SCN1A: variants seen among roughly 807,000 people sequenced by gnomAD.
The protein encoded by SCN1A is sodium voltage-gated channel alpha subunit 1, also known as sodium channel protein type 1 subunit alpha.
Under a neutral mutation model 193.7 loss-of-function variants are expected in SCN1A, and 13 were observed. The observed-to-expected ratio is 0.07, with a 90% CI of 0.04 to 0.11. The LOEUF (loss-of-function observed/expected upper bound fraction) is 0.11. Ranked by LOEUF, SCN1A falls within the 10% of genes least tolerant of loss-of-function variation. The pLI, the probability that SCN1A is intolerant of heterozygous loss-of-function variation, is 1.00. For missense variants in SCN1A, 1,432 were observed against 2,451.1 expected (o/e 0.58, Z 8.78); for synonymous variants, 781 against 843.6 (o/e 0.93, Z 1.29).
In SCN1A at chr2:166,126,916, A is replaced by G. The variant is rs764787927; in HGVS notation, c.-142+8T>C. ...TGCAGCAAGTGGGTCGGGTCTTTAA[A>G]CACATACCTCAAACAGGTAGGAGTC... On this transcript the variant is annotated splice_region_variant and intron_variant, in intron 2 of 28. Coordinates refer to ENST00000674923, the MANE Select transcript of SCN1A (RefSeq NM_001165963.4). The G allele has an allele frequency of 1.4e-4, 22 of 152,242 alleles. No individual in the cohort carries two copies. The highest frequency in any genetic ancestry group is 3.1e-4 in the Non-Finnish European group (21 of 68,058). The allele number at this position is 152,242 out of a possible 1,614,324, so 9.4% of individuals were successfully genotyped here. A position where few individuals can be genotyped will look rare whatever the true frequency, so the allele number is the denominator to read the frequency against.
intron 23 of SCN1A, among the ~76,000 whole-genome samples, chr2:166,003,574 C>G (rs923097187): frequency 1.3e-5 from 2 of 150,644 alleles, no homozygotes; most frequent in Non-Finnish European, 3.0e-5. Context: ...ACTTCTGGAC[C>G]ACTAGTTAAA....
At chr2:166,105,492 A>T (rs1688589360) in intron 2 of SCN1A, among the ~76,000 whole-genome samples, 1 of 152,246 alleles carries the variant, frequency 6.6e-6, no homozygotes, top group Non-Finnish European at 1.5e-5. Context: ...TTATATTAAA[A>T]TAATCATCAC....
At chr2:165,999,419 C>G (rs944138322) in intron 25 of SCN1A, among the ~76,000 whole-genome samples, 1 of 151,344 alleles carries the variant, frequency 6.6e-6, no homozygotes, top group African/African-American at 2.4e-5. Flanking sequence ...ACTAAAATTA[C>G]TACTAATTAT....
Position 166,041,486 on chromosome 2 carries a change from A to AC in SCN1A, c.2177-18_2177-17insG, listed in dbSNP as rs1166411003. 19 of 1,461,720 alleles carry AC rather than the reference A, an allele frequency of 1.3e-5. No individual in the cohort carries two copies. The highest frequency in any genetic ancestry group is 1.8e-5 in the Non-Finnish European group (19 of 1,057,020). The allele number at this position is 1,461,720 out of a possible 1,614,324, so 90.5% of individuals were successfully genotyped here. A position where few individuals can be genotyped will look rare whatever the true frequency, so the allele number is the denominator to read the frequency against. On this transcript the variant is annotated splice_polypyrimidine_tract_variant and intron_variant, in intron 15 of 28. Coordinates refer to ENST00000674923, the MANE Select transcript of SCN1A (RefSeq NM_001165963.4). ...CTTCAAGTTCTAGATTAAGAAAAAA[A>AC]AAAAAAAGAACCACCAAAAGGTATA...
chr2:166,120,182 TTA>T (rs1395132154), intron 2 of SCN1A, among the ~76,000 whole-genome samples: 2 of 151,726 alleles, frequency 1.3e-5, no homozygotes, highest in Non-Finnish European at 2.9e-5. Context: ...TTTATGCACT[TTA>T]TGTTCCTTTT....
chr2:166,050,613 G>A (rs372215846), intron 9 of SCN1A, among the ~76,000 whole-genome samples: 25 of 65,370 alleles, frequency 3.8e-4, no homozygotes, highest in East Asian at 1.5e-3. Flanking sequence ...ATTAAAAAAA[G>A]TATATATATA....
chr2:166,144,467 T>G (rs1405623821), intron 1 of SCN1A, among the ~76,000 whole-genome samples: 1 of 152,190 alleles, frequency 6.6e-6, no homozygotes, highest in African/African-American at 2.4e-5. Flanking sequence ...AGAACACATG[T>G]GACTATGACT....
intron 4 of SCN1A, among the ~76,000 whole-genome samples, chr2:166,065,582 A>C (rs1683755844): frequency 6.6e-6 from 1 of 152,104 alleles, no homozygotes; most frequent in Admixed American, 6.6e-5. Flanking sequence ...GACTCTGAAG[A>C]GAGTATGCCA....
chr2:166,057,089 A>G (rs918613329), intron 5 of SCN1A, among the ~76,000 whole-genome samples: 7 of 152,080 alleles, frequency 4.6e-5, no homozygotes, highest in African/African-American at 9.6e-5. Flanking sequence ...TTGAAGGTTG[A>G]CACTTAACAT....
At chr2:166,023,420 G>A (rs553086606) in intron 19 of SCN1A, among the ~76,000 whole-genome samples, 2 of 152,334 alleles carry the variant, frequency 1.3e-5, no homozygotes, top group East Asian at 1.9e-4. Context: ...TACTTTCTGC[G>A]TGGCTTTGCT....
At chr2:166,103,308 G>A (rs1220439241) in intron 2 of SCN1A, among the ~76,000 whole-genome samples, 4 of 151,912 alleles carry the variant, frequency 2.6e-5, no homozygotes, top group African/African-American at 9.7e-5. Flanking sequence ...AAATTTAGCC[G>A]GGCATGGTGG....
chr2:166,083,827 G>A (rs1281302794), intron 2 of SCN1A, among the ~76,000 whole-genome samples: 1 of 152,148 alleles, frequency 6.6e-6, no homozygotes, highest in Non-Finnish European at 1.5e-5. Context: ...CAAGAATATA[G>A]TAATGACTGT....
At chr2:166,059,712 A>C (rs1683080617) in intron 4 of SCN1A, among the ~76,000 whole-genome samples, 1 of 152,194 alleles carries the variant, frequency 6.6e-6, no homozygotes, top group Non-Finnish European at 1.5e-5. Context: ...GCATATCTGC[A>C]CAGATCATGT....
chr2:166,070,103 A>G (rs1331396031), intron 4 of SCN1A, among the ~76,000 whole-genome samples: 1 of 152,232 alleles, frequency 6.6e-6, no homozygotes, highest in African/African-American at 2.4e-5. Flanking sequence ...GATATTTTTC[A>G]ATACTGAAAT....
intron 25 of SCN1A, among the ~76,000 whole-genome samples, chr2:165,998,897 C>G (rs1312699161): frequency 6.6e-6 from 1 of 151,314 alleles, no homozygotes; most frequent in Non-Finnish European, 1.5e-5. Flanking sequence ...CAACATAAAA[C>G]TAAAGCTATT....
intron 1 of SCN1A, among the ~76,000 whole-genome samples, chr2:166,144,464 AT>A (rs1218329760): frequency 2.0e-5 from 3 of 152,226 alleles, no homozygotes; most frequent in Non-Finnish European, 4.4e-5. Flanking sequence ...GATAGAACAC[AT>A]GTGACTATGA....
At chr2:166,120,074 T>G (rs989343878) in intron 2 of SCN1A, among the ~76,000 whole-genome samples, 2 of 151,908 alleles carry the variant, frequency 1.3e-5, no homozygotes, top group African/African-American at 4.8e-5. Context: ...TTTATTAATT[T>G]ATATTTCCCT....
intron 19 of SCN1A, chr2:166,016,026 CAG>C: frequency 2.9e-6 from 1 of 341,396 alleles, no homozygotes; most frequent in Non-Finnish European, 5.5e-6. Context: ...GCAGGGGACA[CAG>C]GGAAGAGAAG....
At chr2:166,005,029 T>C (rs1463394761) in intron 23 of SCN1A, among the ~76,000 whole-genome samples, 1 of 151,476 alleles carries the variant, frequency 6.6e-6, no homozygotes, top group Non-Finnish European at 1.5e-5. Context: ...AAGTAGCCTA[T>C]AAATAGCATT....
Sources: gnomAD v4.1 joint callset for allele counts (sites outside exome capture counted in the v4.1 genomes callset) on GRCh38, gnomAD v4.1.1 for gene constraint, MANE v1.5 for transcripts, NCBI Gene and HGNC (gene_info 2026-07-23, HGNC 2026-07-21) for gene names.